PCDH15: variants seen among roughly 807,000 people sequenced by gnomAD.
The protein encoded by PCDH15 is protocadherin-15.
Under a neutral mutation model 178.5 loss-of-function variants are expected in PCDH15, and 129 were observed. That is an observed-to-expected ratio of 0.72 (90% CI 0.63 to 0.84). The LOEUF is 0.84. Among genes scored for constraint, PCDH15 ranks in the 40% least tolerant of loss-of-function variants. PCDH15 has a pLI of 0.00. For missense variants in PCDH15, 2,230 were observed against 2,099.9 expected (o/e 1.06, Z -1.21); for synonymous variants, 800 against 732.0 (o/e 1.09, Z -1.50).
At chr10:54,269,306 G>A (rs759190569) in intron 8 of PCDH15, among the ~76,000 whole-genome samples, 11 of 151,752 alleles carry the variant, frequency 7.2e-5, no homozygotes, top group East Asian at 1.9e-4. Context: ...CTTTTTCCTC[G>A]CATTGGTAGT....
At chr10:54,459,194 TC>T (rs937429900) in intron 3 of PCDH15, among the ~76,000 whole-genome samples, 1 of 152,064 alleles carries the variant, frequency 6.6e-6, no homozygotes, top group African/African-American at 2.4e-5. Context: ...CAAAGTTTGT[TC>T]CCACCTTGTA....
chr10:54,907,030 C>T (rs1954736083), intron 2 of PCDH15, among the ~76,000 whole-genome samples: 1 of 152,056 alleles, frequency 6.6e-6, no homozygotes, highest in South Asian at 2.1e-4. Flanking sequence ...ATGTTTTCTG[C>T]TTTTTGTATG....
intron 27 of PCDH15, among the ~76,000 whole-genome samples, chr10:53,860,054 C>T (rs976191783): frequency 6.6e-6 from 1 of 152,096 alleles, no homozygotes; most frequent in African/African-American, 2.4e-5. Context: ...AGTGGATATT[C>T]TGTATTTTTC....
At chr10:55,423,792 T>C (rs889565609) in intron 2 of PCDH15, among the ~76,000 whole-genome samples, 3 of 152,130 alleles carry the variant, frequency 2.0e-5, no homozygotes, top group African/African-American at 7.2e-5. Context: ...AAGATACTTA[T>C]CAAACCTCAT....
intron 3 of PCDH15, among the ~76,000 whole-genome samples, chr10:54,888,789 C>CTTTTTTTTTTTTTT (rs59914980): frequency 9.1e-6 from 1 of 110,170 alleles, no homozygotes. Flanking sequence ...TTCATTTTTT[C>CTTTTTTTTTTTTTT]TTTTTTTTTT....
At chr10:54,542,042 T>G (rs954417493) in intron 2 of PCDH15, among the ~76,000 whole-genome samples, 1 of 152,208 alleles carries the variant, frequency 6.6e-6, no homozygotes, top group African/African-American at 2.4e-5. Flanking sequence ...TTATAAGCAT[T>G]TAATTACTTA....
chr10:54,148,352 G>T (rs973427214), intron 14 of PCDH15, among the ~76,000 whole-genome samples: 1 of 152,036 alleles, frequency 6.6e-6, no homozygotes, highest in African/African-American at 2.4e-5. Flanking sequence ...GGCCCTGATA[G>T]AAAATGAGAC....
intron 2 of PCDH15, among the ~76,000 whole-genome samples, chr10:55,520,795 T>C (rs1343046975): frequency 1.3e-5 from 2 of 151,896 alleles, no homozygotes; most frequent in African/African-American, 4.8e-5. Flanking sequence ...TGTATTCTTT[T>C]CAAGAAAATT....
At chr10:54,627,771 G>A (rs1224801640) in intron 2 of PCDH15, among the ~76,000 whole-genome samples, 2 of 152,260 alleles carry the variant, frequency 1.3e-5, no homozygotes, top group African/African-American at 4.8e-5. Context: ...CTGTTAAAAA[G>A]CTGTGCTAGA....
intron 2 of PCDH15, chr10:54,600,589 A>T (rs2092475697): frequency 1.0e-5 from 6 of 592,264 alleles, no homozygotes; most frequent in Non-Finnish European, 2.0e-5. Flanking sequence ...GTCGAAGAGC[A>T]TGAAGAGACC....
intron 1 of PCDH15, among the ~76,000 whole-genome samples, chr10:55,282,408 A>T (rs1311048086): frequency 6.6e-6 from 1 of 152,162 alleles, no homozygotes; most frequent in African/African-American, 2.4e-5. Flanking sequence ...TCATGACTGG[A>T]TCTATTTTAC....
At chr10:53,822,027 T>A in intron 32 of PCDH15, 5 of 1,614,064 alleles carry the variant, frequency 3.1e-6, no homozygotes, top group Non-Finnish European at 4.2e-6. Flanking sequence ...TATTTGACTG[T>A]ACATGTTAGC....
rs11004124 is a variant in PCDH15, at chr10:54,180,415, A to G, written c.1590+3029T>C. 1.4e-3 allele frequency among the ~76,000 whole-genome samples: 217 copies of G among 152,312 alleles called. 1 individual carries two copies. The highest frequency in any genetic ancestry group is 2.5e-3 in the Non-Finnish European group (173 of 68,016). ...GTATGCACTCACATCAGGCTAAAAGAGTCTCATGGCTACATTGAAAATGAC... is the reference window on the plus strand; with the variant it reads ...GTATGCACTCACATCAGGCTAAAAGGGTCTCATGGCTACATTGAAAATGAC... On this transcript the variant is annotated intron_variant, in intron 13 of 37. Coordinates refer to ENST00000644397, the MANE Select transcript of PCDH15 (RefSeq NM_001384140.1).
intron 2 of PCDH15, among the ~76,000 whole-genome samples, chr10:55,566,851 A>G (rs576094525): frequency 2.0e-5 from 3 of 152,000 alleles, no homozygotes; most frequent in African/African-American, 7.2e-5. Flanking sequence ...TGTCAACACC[A>G]CAGATTCAAT....
At chr10:55,318,395 T>A (rs1342147798) in intron 1 of PCDH15, among the ~76,000 whole-genome samples, 1 of 152,092 alleles carries the variant, frequency 6.6e-6, no homozygotes, top group Non-Finnish European at 1.5e-5. Flanking sequence ...AGACATAGAT[T>A]CATAATGAAA....
At chr10:54,983,065 T>C (rs1002012352) in intron 2 of PCDH15, among the ~76,000 whole-genome samples, 16 of 152,266 alleles carry the variant, frequency 1.1e-4, no homozygotes, top group African/African-American at 3.6e-4. Flanking sequence ...GATTTAAGCT[T>C]CTCTGAGTAG....
intron 20 of PCDH15, among the ~76,000 whole-genome samples, chr10:54,010,833 C>T (rs1300408459): frequency 6.6e-6 from 1 of 152,162 alleles, no homozygotes; most frequent in Non-Finnish European, 1.5e-5. Context: ...CTCGGGAGCA[C>T]GGAACAGCCA....
chr10:54,219,652 C>T (rs57135961), intron 9 of PCDH15, among the ~76,000 whole-genome samples: 120 of 138,442 alleles, frequency 8.7e-4, no homozygotes, highest in Non-Finnish European at 1.2e-3. Context: ...AACGTGTGAA[C>T]TTACATGAAT....
In PCDH15 at chr10:55,201,870, CT is replaced by C. The variant is rs372646832; in HGVS notation, c.-155-35220del. Among the ~76,000 whole-genome samples, 35 of 152,054 alleles carry C rather than the reference CT, an allele frequency of 2.3e-4. No homozygotes were observed. The South Asian group carries it at 5.6e-3, about 24-fold the overall frequency. ...GTTTGTTTGTCTACTTTACAATGTG[CT>C]TTTTTAAAATTTTGCATAATAAAAG... is the stretch of plus-strand genomic sequence containing the variant. On this transcript the variant is annotated intron_variant, in intron 1 of 5. Coordinates refer to the PCDH15 transcript ENST00000458638.
Sources: allele counts gnomAD v4.1 joint callset (sites outside exome capture counted in the v4.1 genomes callset), GRCh38; gene constraint gnomAD v4.1.1; transcripts MANE v1.5; gene names NCBI Gene and HGNC (gene_info 2026-07-23, HGNC 2026-07-21).